Variants in AFDN observed in about 807,000 individuals in gnomAD.
AFDN encodes afadin, adherens junction formation factor.
A neutral mutation model predicts 216.6 loss-of-function variants in AFDN; 68 were observed. The observed-to-expected ratio is 0.31, with a 90% confidence interval of 0.26 to 0.38. The LOEUF is 0.38. Among genes scored for constraint, AFDN ranks in the 10% least tolerant of loss-of-function variants. The probability of loss-of-function intolerance (pLI) is 1.00; values close to 1 mark genes in which losing one functional copy is unlikely to be tolerated. For synonymous variants in AFDN, 868 were observed against 853.7 expected (o/e 1.02, Z -0.29); for missense variants, 2,136 against 2,342.0 (o/e 0.91, Z 1.82).
intron 16 of AFDN, chr6:167,913,848 A>G (rs1790713173): frequency 2.3e-6 from 1 of 430,718 alleles, no homozygotes. Context: ...TGCACAGACT[A>G]CCAGATAATG....
intron 6 of AFDN, among the ~76,000 whole-genome samples, chr6:167,888,062 G>C (rs891205239): frequency 6.6e-6 from 1 of 152,182 alleles, no homozygotes; most frequent in African/African-American, 2.4e-5. Flanking sequence ...ATGTCGCCGA[G>C]TGTGAGGATT....
chr6:167,911,726 A>T, intron 15 of AFDN: 1 of 508,924 alleles, frequency 2.0e-6, no homozygotes, highest in Non-Finnish European at 3.5e-6. Flanking sequence ...TTGTAGTAAT[A>T]GTTGTGAGAA....
At chr6:167,834,457 G>GTTTTTTTTTTTTTTTTT (rs11446838) in intron 1 of AFDN, among the ~76,000 whole-genome samples, 2 of 75,250 alleles carry the variant, frequency 2.7e-5, no homozygotes, top group East Asian at 4.7e-4. Flanking sequence ...TGTTGTTTCG[G>GTTTTTTTTTTTTTTTTT]TTTTTTTTTT....
chr6:167,924,936 T>G, intron 22 of AFDN, 69 bp from the exon 23 acceptor site: 45 of 1,057,380 alleles, frequency 4.3e-5, no homozygotes, highest in Non-Finnish European at 5.9e-5. Flanking sequence ...GACTAGATCA[T>G]GAGTTGTCTA....
chr6:167,830,266 CCT>C (rs1319282426), intron 1 of AFDN, among the ~76,000 whole-genome samples: 1 of 152,126 alleles, frequency 6.6e-6, no homozygotes, highest in Admixed American at 6.5e-5. Flanking sequence ...CAAAGGTCTC[CCT>C]GTTGGTTTTA....
In AFDN at chr6:167,889,298, A is replaced by T. The variant is rs771891291; in HGVS notation, c.981A>T (p.Gln327His). 6.2e-7 allele frequency: 1 copy of T among 1,613,674 alleles called. No individual in the cohort carries two copies. Among genetic ancestry groups the T allele is most frequent in the Non-Finnish European group, 8.5e-7 (1 of 1,179,582 alleles). The change falls in exon 7 of 34, where the codon CAA becomes CAT. Residue 327 changes from glutamine (Q) to histidine (H), a missense_variant. Physicochemically the swap from Gln to His is conservative, Grantham distance 24 (BLOSUM62 0). This residue lies in a region of AFDN where 817 missense variants were observed against 965.7 expected (regional missense o/e 0.85). Transcript: ENST00000683244. Reference sequence around the variant, plus strand: ...TTGATGATGATGAGTGTCCTTTACAAATCTTCAGGGAATGGCCAAGTGACA... The same window carrying T: ...TTGATGATGATGAGTGTCCTTTACATATCTTCAGGGAATGGCCAAGTGACA... Reference protein sequence around the residue: ...IILDDDECPLQIFREWPSDKG... With the variant: ...IILDDDECPLHIFREWPSDKG...
chr6:167,905,739 G>A (rs1337463612), intron 12 of AFDN, among the ~76,000 whole-genome samples: 1 of 150,796 alleles, frequency 6.6e-6, no homozygotes, highest in Non-Finnish European at 1.5e-5. Context: ...CCTATTACTA[G>A]TCATTTATAA....
intron 23 of AFDN, among the ~76,000 whole-genome samples, chr6:167,938,522 A>G (rs1198718389): frequency 6.6e-5 from 10 of 152,156 alleles, no homozygotes; most frequent in Admixed American, 3.9e-4. Context: ...CAACCTATTT[A>G]AAGATAGGGA....
intron 29 of AFDN, among the ~76,000 whole-genome samples, chr6:167,948,712 C>A (rs1244913149): frequency 1.3e-5 from 2 of 152,336 alleles, no homozygotes. Flanking sequence ...TAAGGCCTTA[C>A]AATTTTTAAG....
rs536802755 is a variant in AFDN at position 167,827,085 on chromosome 6, C to A, written c.-48C>A. ...CCCCGCGGACCTGTCGTCCTCGGCC[C>A]GTCCTCCGGCCCCGGCCCCGCGCGG... On this transcript the variant is annotated 5_prime_UTR_variant, in exon 1 of 34. Transcript: ENST00000683244. The A allele has an allele frequency of 4.6e-4, 483 of 1,057,402 alleles. 2 individuals carry two copies. In the African/African-American group the frequency reaches 7.8e-3, roughly 17 times the overall value. The allele number at this position is 1,057,402 out of a possible 1,614,324, so 65.5% of individuals were successfully genotyped here.
At position 167,944,043 on chromosome 6, in the gene AFDN, C is replaced by A. The variant is rs1032747942; in HGVS notation, c.3342C>A (p.Ser1114=). The change falls in exon 26 of 34, where the codon TCC becomes TCA. Residue 1114 remains serine, a synonymous_variant. Transcript: ENST00000683244. ...HGLATLLNQP[S]PMMQRISDRR... Reference sequence around the variant, plus strand: ...TGGCCACCCTTCTCAATCAGCCATCCCCCATGATGCAGAGAAGTAAGGACC... The same window carrying A: ...TGGCCACCCTTCTCAATCAGCCATCACCCATGATGCAGAGAAGTAAGGACC... 1.2e-6 allele frequency: 2 copies of A among 1,613,724 alleles called. No homozygotes were observed. The highest frequency in any genetic ancestry group is 2.7e-5 in the African/African-American group (2 of 75,042).
upstream of AFDN, chr6:167,826,899 C>A (rs1343420189): frequency 7.0e-6 from 1 of 142,230 alleles, no homozygotes; most frequent in Non-Finnish European, 1.6e-5. Context: ...CGGCGGGCGG[C>A]GGGCGCCGGG....
Position 167,951,694 on chromosome 6 carries a change from A to G in AFDN, c.4340A>G (p.Lys1447Arg), listed in dbSNP as rs759718348. Residue 1447 changes from lysine (K) to arginine (R), a missense_variant, in exon 30 of 34, where the codon AAG becomes AGG. Lys to Arg is a conservative substitution (Grantham distance 26, BLOSUM62 2). Transcript: ENST00000683244. The surrounding 1 kb of genome is among the most constrained non-coding windows in gnomAD (Gnocchi z 7.1). The part of the protein sequence containing the change: ...RERKRREQER[K>R]LGQMRTQSLN... The stretch of plus-strand genomic sequence containing the variant: ...AGGAAGCGGAGAGAGCAGGAGAGGA[A>G]GTTGGGCCAGATGCGCACTCAGTCC... 1.4e-5 allele frequency: 22 copies of G among 1,613,872 alleles called. No homozygotes were observed. The South Asian group carries it at 2.4e-4, about 18-fold the overall frequency.
chr6:167,944,262 C>A (rs1001510462), intron 26 of AFDN, among the ~76,000 whole-genome samples: 1 of 152,158 alleles, frequency 6.6e-6, no homozygotes, highest in African/African-American at 2.4e-5. Flanking sequence ...GTCACCAGGA[C>A]CCCTCCCTGT....
intron 8 of AFDN, among the ~76,000 whole-genome samples, chr6:167,892,434 A>T (rs1787730088): frequency 6.6e-6 from 1 of 152,152 alleles, no homozygotes; most frequent in South Asian, 2.1e-4. Flanking sequence ...TTTTTTGGGT[A>T]TTGGGTCTGC....
chr6:167,879,650 G>T (rs552158865), intron 5 of AFDN, among the ~76,000 whole-genome samples: 9 of 152,320 alleles, frequency 5.9e-5, no homozygotes, highest in Admixed American at 3.3e-4. Flanking sequence ...TATACATGTA[G>T]ATTTCCATTA....
Position 167,847,719 on chromosome 6 carries a change from C to T in AFDN, c.106-16832C>T, listed in dbSNP as rs565952210. 5.3e-5 allele frequency among the ~76,000 whole-genome samples: 8 copies of T among 152,292 alleles called. No homozygotes were observed. The South Asian group carries it at 1.5e-3, about 28-fold the overall frequency. ...TAATCCAGGCTAACTTCATATCTCC[C>T]ACCTGGGTTGTTCCAGTAACCTCTT... On this transcript the variant is annotated intron_variant, in intron 1 of 33. Transcript: ENST00000683244.
chr6:167,962,520 C>A lies in AFDN; in HGVS notation c.4921C>A (p.Arg1641Ser). ...AEDRARQEEE[R>S]RRQEEERTKR... Reference sequence around the variant, plus strand: ...AGACCGAGCGAGGCAAGAGGAAGAGCGCCGGCGGCAGGAGGAGGAGCGAAC... The same window carrying A: ...AGACCGAGCGAGGCAAGAGGAAGAGAGCCGGCGGCAGGAGGAGGAGCGAAC... Residue 1641 changes from arginine to serine, a missense_variant, in exon 31 of 34, where the codon CGC becomes AGC. Arg to Ser is a moderately radical substitution (Grantham distance 110, BLOSUM62 -1). Around this residue, in one of 8 missense-constraint regions of AFDN, gnomAD observed 981 missense variants for 966.0 expected, o/e 1.02. Transcript: ENST00000683244. This position sits in a 1 kb window ranked among gnomAD's most constrained non-coding sequence, Gnocchi z 5.2. The A allele has an allele frequency of 6.2e-7, 1 of 1,613,760 alleles. No homozygotes were observed. Among genetic ancestry groups the A allele is most frequent in the Non-Finnish European group, 8.5e-7 (1 of 1,179,758 alleles).
chr6:167,925,185 C>T (rs1792351608), intron 23 of AFDN, 94 bp downstream of exon 23: 2 of 869,534 alleles, frequency 2.3e-6, no homozygotes, highest in East Asian at 2.5e-5. Context: ...TACTTTACCA[C>T]CTGTGTATAA....
Sources: gnomAD v4.1 joint callset for allele counts (sites outside exome capture counted in the v4.1 genomes callset) on GRCh38, gnomAD v4.1.1 for gene constraint, gnomAD v4.1.1 regional missense constraint, Gnocchi (gnomAD v3.1) non-coding constraint, MANE v1.5 for transcripts, NCBI Gene and HGNC (gene_info 2026-07-23, HGNC 2026-07-21) for gene names.